Variants in GREM2 observed in about 807,000 individuals in gnomAD.
The protein encoded by GREM2 is gremlin-2.
GREM2 carries 11 observed loss-of-function variants against 14.2 expected under a neutral mutation model. The ratio of observed to expected loss-of-function variants is 0.78; its 90% CI spans 0.49 to 1.28. The LOEUF (loss-of-function observed/expected upper bound fraction) is 1.28, where lower values mean the gene tolerates loss of function less well. Ranked by LOEUF, GREM2 falls within the 50% of genes most tolerant of loss-of-function variation. GREM2 has a pLI of 0.00. For missense variants in GREM2, 210 were observed against 218.5 expected, an observed-to-expected ratio of 0.96 and a Z score of 0.24; for synonymous variants, 98 against 97.6, an observed-to-expected ratio of 1.00 and a Z score of -0.02.
At chr1:240,559,989 G>C (rs576689400) in intron 1 of GREM2, among the ~76,000 whole-genome samples, 1 of 152,234 alleles carries the variant, frequency 6.6e-6, no homozygotes, top group South Asian at 2.1e-4. Context: ...GTCACAGGAA[G>C]TATCAAAAAG....
Position 240,491,239 on chromosome 1 carries a change from C to T in GREM2, c.*1730G>A, listed in dbSNP as rs1242592458. The T allele has an allele frequency of 1.3e-5, 2 of 152,446 alleles. No homozygotes were observed. The highest frequency in any genetic ancestry group is 4.1e-4 in the South Asian group (2 of 4,828). The allele number at this position is 152,446 out of a possible 1,614,324, so 9.4% of individuals were successfully genotyped here. On this transcript the variant is annotated 3_prime_UTR_variant, in exon 2 of 2. Transcript: ENST00000318160. ...ATGTCTCTAGATCCACCATCACTAC[C>T]TAGTATCAGGAAGCTAAGTCCCCAC...
chr1:240,570,332 C>T (rs929027162), intron 1 of GREM2, among the ~76,000 whole-genome samples: 18 of 152,050 alleles, frequency 1.2e-4, no homozygotes, highest in African/African-American at 3.1e-4. Flanking sequence ...CATGGTGGCG[C>T]GTGCCTGTAG....
chr1:240,519,940 C>T (rs149058139), intron 1 of GREM2, among the ~76,000 whole-genome samples: 1,906 of 152,028 alleles, frequency 0.013, 43 homozygotes, highest in African/African-American at 0.044. Flanking sequence ...ATTAGCTGGG[C>T]GTGGTGGCGC....
At chr1:240,496,192 C>T (rs1394705696) in intron 1 of GREM2, among the ~76,000 whole-genome samples, 3 of 152,132 alleles carry the variant, frequency 2.0e-5, no homozygotes, top group Non-Finnish European at 4.4e-5. Flanking sequence ...CGGTCTCGGC[C>T]TCCCAAAGTG....
intron 1 of GREM2, among the ~76,000 whole-genome samples, chr1:240,521,235 C>G (rs977047625): frequency 3.3e-5 from 5 of 152,134 alleles, no homozygotes; most frequent in African/African-American, 1.2e-4. Flanking sequence ...AATATGTTCT[C>G]TCTTTCCCCT....
At chr1:240,601,008 T>A (rs1189154039) in intron 1 of GREM2, among the ~76,000 whole-genome samples, 3 of 152,220 alleles carry the variant, frequency 2.0e-5, no homozygotes, top group African/African-American at 7.2e-5. Context: ...AATTTGTTTA[T>A]CTCAGTTCAC....
At chr1:240,583,966 T>C (rs953727015) in intron 1 of GREM2, among the ~76,000 whole-genome samples, 2 of 152,104 alleles carry the variant, frequency 1.3e-5, no homozygotes, top group Non-Finnish European at 2.9e-5. Flanking sequence ...TTGAATCCTT[T>C]AGAGAGGTTG....
intron 1 of GREM2, among the ~76,000 whole-genome samples, chr1:240,576,687 T>G (rs966136392): frequency 3.9e-5 from 6 of 152,110 alleles, no homozygotes; most frequent in Non-Finnish European, 8.8e-5. Context: ...TAAACTTAAC[T>G]CTTTGTTTGG....
chr1:240,609,183 C>G (rs1303176077), intron 1 of GREM2, among the ~76,000 whole-genome samples: 1 of 151,998 alleles, frequency 6.6e-6, no homozygotes, highest in Non-Finnish European at 1.5e-5. Context: ...TCACTTTATA[C>G]CCTTGTGCTT....
intron 1 of GREM2, among the ~76,000 whole-genome samples, chr1:240,513,575 CAAAAA>C (rs5782148): frequency 9.0e-6 from 1 of 110,922 alleles, no homozygotes; most frequent in Admixed American, 9.7e-5. Context: ...ACTCCATCTA[CAAAAA>C]AAAAAAAAAA....
chr1:240,597,164 G>A (rs948161901), intron 1 of GREM2, among the ~76,000 whole-genome samples: 1 of 152,184 alleles, frequency 6.6e-6, no homozygotes, highest in East Asian at 1.9e-4. Context: ...CCGTGGTTAC[G>A]ATCCTTTAGA....
At chr1:240,566,291 G>T (rs1002882139) in intron 1 of GREM2, among the ~76,000 whole-genome samples, 1 of 152,142 alleles carries the variant, frequency 6.6e-6, no homozygotes, top group African/African-American at 2.4e-5. Flanking sequence ...CCAATACCCA[G>T]GCTAAACCAG....
chr1:240,529,426 G>T (rs1176739211), intron 1 of GREM2, among the ~76,000 whole-genome samples: 1 of 152,018 alleles, frequency 6.6e-6, no homozygotes, highest in African/African-American at 2.4e-5. Context: ...TTCCCATGTT[G>T]TCATTCTCAT....
At chr1:240,573,825 C>T (rs561641687) in intron 1 of GREM2, among the ~76,000 whole-genome samples, 3 of 152,074 alleles carry the variant, frequency 2.0e-5, no homozygotes, top group Non-Finnish European at 4.4e-5. Flanking sequence ...GCCTGAGTTG[C>T]GGGTAGAGGA....
intron 1 of GREM2, among the ~76,000 whole-genome samples, chr1:240,570,137 T>C (rs1345676103): frequency 1.3e-5 from 2 of 152,208 alleles, no homozygotes; most frequent in Non-Finnish European, 2.9e-5. Context: ...ACTGGAAAGC[T>C]AGGTTGTTGG....
At chr1:240,553,041 G>A (rs1292021761) in intron 1 of GREM2, among the ~76,000 whole-genome samples, 3 of 152,106 alleles carry the variant, frequency 2.0e-5, no homozygotes. Flanking sequence ...CAGAAACTCT[G>A]TATTGGAAAT....
chr1:240,498,318 C>T (rs368455711), intron 1 of GREM2, among the ~76,000 whole-genome samples: 14 of 152,272 alleles, frequency 9.2e-5, no homozygotes, highest in African/African-American at 2.2e-4. Context: ...ATGACTGGGG[C>T]GAAGTCAGTC....
chr1:240,601,838 C>T (rs539245232), intron 1 of GREM2, among the ~76,000 whole-genome samples: 214 of 145,726 alleles, frequency 1.5e-3, no homozygotes, highest in African/African-American at 5.2e-3. Context: ...ACCCGGGAGG[C>T]GGAGGTTGCA....
chr1:240,597,524 C>A (rs762218028), intron 1 of GREM2, among the ~76,000 whole-genome samples: 2 of 152,172 alleles, frequency 1.3e-5, no homozygotes, highest in Non-Finnish European at 2.9e-5. Flanking sequence ...CCGCCTTGCT[C>A]CCGCCTCATT....
Sources: gnomAD v4.1 joint callset for allele counts (sites outside exome capture counted in the v4.1 genomes callset) on GRCh38, gnomAD v4.1.1 for gene constraint, MANE v1.5 for transcripts, NCBI Gene and HGNC (gene_info 2026-07-23, HGNC 2026-07-21) for gene names.